DPP10: variants seen among roughly 807,000 people sequenced by gnomAD.
DPP10 encodes the protein dipeptidyl peptidase like 10, also known as inactive dipeptidyl peptidase 10.
DPP10 carries 33 observed loss-of-function variants against 120.9 expected under a neutral mutation model. The ratio of observed to expected loss-of-function variants is 0.27; its 90% CI spans 0.21 to 0.37. DPP10 has a LOEUF of 0.37. DPP10 is among the 10% of genes least tolerant of loss of function. The pLI is 1.00. For missense variants in DPP10, 816 were observed against 942.8 expected, an observed-to-expected ratio of 0.87 and a Z score of 1.76; for synonymous variants, 337 against 326.1, an observed-to-expected ratio of 1.03 and a Z score of -0.36.
chr2:115,444,031 C>A (rs987437906), intron 3 of DPP10, among the ~76,000 whole-genome samples: 1 of 152,160 alleles, frequency 6.6e-6, no homozygotes, highest in East Asian at 1.9e-4. Flanking sequence ...TCCCCTCCCC[C>A]ACATTGCCCC....
chr2:115,728,815 T>C (rs2092829633), intron 8 of DPP10, among the ~76,000 whole-genome samples: 1 of 152,164 alleles, frequency 6.6e-6, no homozygotes, highest in African/African-American at 2.4e-5. Flanking sequence ...TACTGTATTC[T>C]GGATAGATGT....
At chr2:115,264,744 T>A (rs1222967739) in intron 1 of DPP10, among the ~76,000 whole-genome samples, 1 of 152,218 alleles carries the variant, frequency 6.6e-6, no homozygotes, top group African/African-American at 2.4e-5. Flanking sequence ...GGAATGATGT[T>A]TAAGAAAGAT....
At position 115,115,686 on chromosome 2, in the gene DPP10, C is replaced by T. The variant is rs560831015; in HGVS notation, c.61-193553C>T. Among the ~76,000 whole-genome samples the T allele has an allele frequency of 5.0e-4, 76 of 152,202 alleles. 1 individual carries two copies. The highest frequency in any genetic ancestry group is 1.2e-3 in the African/African-American group (50 of 41,524). Reference sequence around the variant, plus strand: ...AGTGGCATTTATCTCTGAAACGTACCGCATGGCATTTTTAAGTTAGATGAA... The same window carrying T: ...AGTGGCATTTATCTCTGAAACGTACTGCATGGCATTTTTAAGTTAGATGAA... On this transcript the variant is annotated intron_variant, in intron 1 of 25. Coordinates refer to ENST00000410059, the MANE Select transcript of DPP10 (RefSeq NM_020868.6).
chr2:115,343,713 T>C lies in DPP10; in HGVS notation c.176-104T>C, dbSNP rs551579251. On this transcript the variant is annotated intron_variant, in intron 2 of 25. Transcript: ENST00000410059. Reference sequence around the variant, plus strand: ...TCAAAATGGTCACTTTATATTGTTATGTAGTTAATATATTTTAGAGCAAAT... The same window carrying C: ...TCAAAATGGTCACTTTATATTGTTACGTAGTTAATATATTTTAGAGCAAAT... 2.6e-5 allele frequency: 17 copies of C among 660,738 alleles called. No homozygotes were observed. The Admixed American group carries it at 4.8e-4, about 19-fold the overall frequency. The allele number at this position is 660,738 out of a possible 1,614,324, so 40.9% of individuals were successfully genotyped here. A position where few individuals can be genotyped will look rare whatever the true frequency, so the allele number is the denominator to read the frequency against.
chr2:115,174,192 G>T (rs1223601756), intron 1 of DPP10, among the ~76,000 whole-genome samples: 1 of 152,144 alleles, frequency 6.6e-6, no homozygotes, highest in African/African-American at 2.4e-5. Context: ...TCATTTTCCT[G>T]ATGAAGTAGA....
At position 115,015,287 on chromosome 2, in the gene DPP10, G is replaced by A. The variant is rs113403821; in HGVS notation, c.61-293952G>A. Among the ~76,000 whole-genome samples, 166 of 152,228 alleles carry A rather than the reference G, an allele frequency of 1.1e-3. 2 individuals are homozygous for A. Among genetic ancestry groups the A allele is most frequent in the African/African-American group, 3.7e-3 (153 of 41,544 alleles). On this transcript the variant is annotated intron_variant, in intron 1 of 25. Transcript: ENST00000410059. ...TTCAATAGATGCAGAAAAGGCCTTC[G>A]ATAAAATTCAACAGCTCTTCATGCT... is the stretch of plus-strand genomic sequence containing the variant.
At chr2:114,501,888 A>G (rs991801716) in intron 1 of DPP10, among the ~76,000 whole-genome samples, 1 of 152,000 alleles carries the variant, frequency 6.6e-6, no homozygotes, top group East Asian at 1.9e-4. Flanking sequence ...AACACCATTA[A>G]AGTGAGGATA....
In DPP10 at chr2:115,337,143, CAA is replaced by C. The variant is rs11308584; in HGVS notation, c.176-6659_176-6658del. ...TTGTAGACAAGTGTCTTGAAGAAAG[CAA>C]AAAAAAAAAAAAAATTCCTACATTT... On this transcript the variant is annotated intron_variant, in intron 2 of 25. Transcript: ENST00000410059. Among the ~76,000 whole-genome samples, 245 of 125,424 alleles carry C rather than the reference CAA, an allele frequency of 2.0e-3. 1 individual carries two copies. Among genetic ancestry groups the C allele is most frequent in the Admixed American group, 3.7e-3 (47 of 12,544 alleles). 82.3% of individuals were successfully genotyped at this position (125,424 alleles called of 152,430 possible).
At chr2:115,611,969 A>G (rs1415773716) in intron 5 of DPP10, among the ~76,000 whole-genome samples, 2 of 152,160 alleles carry the variant, frequency 1.3e-5, no homozygotes, top group Non-Finnish European at 2.9e-5. Flanking sequence ...CCAGTTTGGC[A>G]TATTCACAAA....
Position 115,842,405 on chromosome 2 carries a change from G to A in DPP10, c.*60G>A, listed in dbSNP as rs150723252. 159 of 1,558,058 alleles carry A rather than the reference G, an allele frequency of 1.0e-4. 3 individuals are homozygous for A. The Middle Eastern group carries it at 9.8e-3, about 96-fold the overall frequency. ...GAGGCTCAATGAAACCTGACAAAGA[G>A]ACTGTAATATTGTAGTTGCTCCAGA... On this transcript the variant is annotated 3_prime_UTR_variant, in exon 26 of 26. Transcript: ENST00000410059.
At chr2:114,487,089 G>A (rs1681582790) in intron 1 of DPP10, among the ~76,000 whole-genome samples, 1 of 152,148 alleles carries the variant, frequency 6.6e-6, no homozygotes, top group African/African-American at 2.4e-5. Context: ...TAGTGATAGT[G>A]TTGTGCTTTC....
At chr2:115,000,321 A>C (rs1574665788) in intron 1 of DPP10, among the ~76,000 whole-genome samples, 1 of 152,306 alleles carries the variant, frequency 6.6e-6, no homozygotes, top group African/African-American at 2.4e-5. Flanking sequence ...ACAAACACGC[A>C]TAAAAAATTG....
chr2:115,061,271 TA>T (rs1387458259), intron 1 of DPP10, among the ~76,000 whole-genome samples: 2 of 152,244 alleles, frequency 1.3e-5, no homozygotes, highest in East Asian at 3.8e-4. Flanking sequence ...AAAACTTTGA[TA>T]TTTTGACTAT....
intron 1 of DPP10, among the ~76,000 whole-genome samples, chr2:114,960,366 G>GTATA (rs149462158): frequency 0.37 from 53,712 of 143,546 alleles, 10,176 homozygotes; most frequent in African/African-American, 0.4. Context: ...GTGTATGTGC[G>GTATA]TATATATATA....
intron 21 of DPP10, among the ~76,000 whole-genome samples, chr2:115,822,429 G>A (rs183518128): frequency 4.0e-5 from 6 of 151,884 alleles, no homozygotes; most frequent in Admixed American, 3.3e-4. Context: ...AACTCATCTA[G>A]ATGTATTACA....
intron 1 of DPP10, among the ~76,000 whole-genome samples, chr2:115,213,668 T>A (rs1476812141): frequency 6.6e-6 from 1 of 152,184 alleles, no homozygotes; most frequent in Non-Finnish European, 1.5e-5. Context: ...ATTTTGCTTT[T>A]AGTTGTATTA....
chr2:115,742,209 A>G (rs1266022753), intron 9 of DPP10, among the ~76,000 whole-genome samples: 2 of 152,130 alleles, frequency 1.3e-5, no homozygotes, highest in African/African-American at 2.4e-5. Flanking sequence ...AAGAACAGGG[A>G]AAAAACTCAA....
At chr2:114,843,821 G>C (rs914519251) in intron 1 of DPP10, among the ~76,000 whole-genome samples, 1 of 152,112 alleles carries the variant, frequency 6.6e-6, no homozygotes, top group Non-Finnish European at 1.5e-5. Flanking sequence ...AAGTCACTGA[G>C]TGTAGATTAA....
At chr2:115,032,505 TCC>T (rs1216997963) in intron 1 of DPP10, among the ~76,000 whole-genome samples, 1 of 152,166 alleles carries the variant, frequency 6.6e-6, no homozygotes, top group Non-Finnish European at 1.5e-5. Context: ...GTGTTAATAG[TCC>T]TTGGAGAGGC....
Sources: allele counts gnomAD v4.1 joint callset (sites outside exome capture counted in the v4.1 genomes callset), GRCh38; gene constraint gnomAD v4.1.1; transcripts MANE v1.5; gene names NCBI Gene and HGNC (gene_info 2026-07-23, HGNC 2026-07-21).